Variants in EPHB2 observed in about 807,000 individuals in gnomAD.
EPHB2 encodes ephrin type-B receptor 2.
Under a neutral mutation model 96.4 loss-of-function variants are expected in EPHB2, and 18 were observed. The observed-to-expected ratio is 0.19, with a 90% CI of 0.13 to 0.28. The LOEUF (loss-of-function observed/expected upper bound fraction) is 0.28, where lower values mean the gene tolerates loss of function less well. Among genes scored for constraint, EPHB2 ranks in the 10% least tolerant of loss-of-function variants. The pLI is 1.00. For missense variants in EPHB2, 989 were observed against 1,355.4 expected (o/e 0.73, Z 4.25); for synonymous variants, 506 against 534.1 (o/e 0.95, Z 0.72).
chr1:22,767,981 G>T (rs559201882), intron 1 of EPHB2, among the ~76,000 whole-genome samples: 1 of 152,320 alleles, frequency 6.6e-6, no homozygotes, highest in East Asian at 1.9e-4. Context: ...AACTGCCTGA[G>T]ATGCCAGGTG....
intron 3 of EPHB2, among the ~76,000 whole-genome samples, chr1:22,847,777 G>A (rs986301585): frequency 1.6e-4 from 5 of 31,026 alleles, no homozygotes; most frequent in African/African-American, 2.4e-4. Context: ...GTCTCACCTC[G>A]TGTCTGAACC....
At chr1:22,821,671 C>T (rs116967234) in intron 3 of EPHB2, among the ~76,000 whole-genome samples, 1 of 152,336 alleles carries the variant, frequency 6.6e-6, no homozygotes, top group East Asian at 1.9e-4. Flanking sequence ...TCCCATTTTC[C>T]TCTCTCCCTT....
At position 22,882,428 on chromosome 1, in the gene EPHB2, A is replaced by G. The variant is rs764896361; in HGVS notation, c.1373A>G (p.Gln458Arg). 3.7e-6 allele frequency: 6 copies of G among 1,614,094 alleles called. No individual in the cohort carries two copies. The African/African-American group carries it at 6.7e-5, about 18-fold the overall frequency. Reference sequence around the variant, plus strand: ...GACAGCATTACCCTGTCGTGGTCCCAGCCGGACCAGCCCAATGGCGTGATC... The same window carrying G: ...GACAGCATTACCCTGTCGTGGTCCCGGCCGGACCAGCCCAATGGCGTGATC... The part of the protein sequence containing the change: ...TVDSITLSWS[Q>R]PDQPNGVILD... The change falls in exon 6 of 16, where the codon CAG becomes CGG. Residue 458 changes from glutamine (Q) to arginine (R), a missense_variant. Gln to Arg is a conservative substitution (Grantham distance 43, BLOSUM62 1). Transcript: ENST00000374630.
intron 1 of EPHB2, among the ~76,000 whole-genome samples, chr1:22,728,972 C>T (rs531326394): frequency 6.6e-6 from 1 of 152,212 alleles, no homozygotes; most frequent in Non-Finnish European, 1.5e-5. Context: ...CTGCACGCGG[C>T]GGGCCAGGCT....
At chr1:22,901,205 A>G (rs563659345) in intron 9 of EPHB2, among the ~76,000 whole-genome samples, 5 of 152,184 alleles carry the variant, frequency 3.3e-5, no homozygotes, top group African/African-American at 1.2e-4. Context: ...ATTATTCAGC[A>G]CTTTCCTTTT....
intron 1 of EPHB2, among the ~76,000 whole-genome samples, chr1:22,745,426 C>T (rs983933906): frequency 2.0e-5 from 3 of 152,120 alleles, no homozygotes; most frequent in Non-Finnish European, 2.9e-5. Context: ...GTCAGGATCG[C>T]GATTGCCTAT....
chr1:22,881,627 T>C (rs1352479870), intron 5 of EPHB2, among the ~76,000 whole-genome samples: 1 of 152,110 alleles, frequency 6.6e-6, no homozygotes, highest in African/African-American at 2.4e-5. Flanking sequence ...AGAGTTTCAC[T>C]CTTGTTGCCC....
intron 9 of EPHB2, among the ~76,000 whole-genome samples, chr1:22,901,933 C>T (rs1338573887): frequency 6.6e-6 from 1 of 152,074 alleles, no homozygotes; most frequent in Non-Finnish European, 1.5e-5. Context: ...TCAAGCAATC[C>T]TCCTGCCTCA....
At chr1:22,852,896 G>A (rs1265585862) in intron 3 of EPHB2, among the ~76,000 whole-genome samples, 1 of 152,220 alleles carries the variant, frequency 6.6e-6, no homozygotes, top group African/African-American at 2.4e-5. Context: ...AGGAGGAGGG[G>A]AGATGGGAGG....
chr1:22,733,123 A>G lies in EPHB2; in HGVS notation c.61+22080A>G, dbSNP rs917211622. Among the ~76,000 whole-genome samples, 1 of 151,832 alleles carries G rather than the reference A, an allele frequency of 6.6e-6. No individual in the cohort carries two copies. The highest frequency in any genetic ancestry group is 1.9e-4 in the East Asian group (1 of 5,168). On this transcript the variant is annotated intron_variant, in intron 1 of 15. Transcript: ENST00000374630. The surrounding 1 kb of genome is among the most constrained non-coding windows in gnomAD (Gnocchi z 4.6). The stretch of plus-strand genomic sequence containing the variant: ...GAATGCAATGGCGTAGTCTTGGCTC[A>G]CTGCAACCTCTGCCTCCCCAGTTCA...
intron 3 of EPHB2, among the ~76,000 whole-genome samples, chr1:22,838,419 T>C (rs969114649): frequency 6.6e-6 from 1 of 152,288 alleles, no homozygotes; most frequent in African/African-American, 2.4e-5. Context: ...AGGCATTAAC[T>C]GTGTGGCCCT....
Position 22,822,336 on chromosome 1 carries a change from A to T in EPHB2, c.811+37260A>T, listed in dbSNP as rs553332981. 1.8e-4 allele frequency among the ~76,000 whole-genome samples: 27 copies of T among 152,318 alleles called. No homozygotes were observed. The East Asian group carries it at 5.0e-3, about 28-fold the overall frequency. On this transcript the variant is annotated intron_variant, in intron 3 of 15. Transcript: ENST00000374630. ...CATCTCTATTTTTTAATTTAAAAAA[A>T]AAAGGAAAGTGATGGAAAAGACCTA... is the stretch of plus-strand genomic sequence containing the variant.
At chr1:22,734,996 C>A (rs1557643062) in intron 1 of EPHB2, among the ~76,000 whole-genome samples, 2 of 152,166 alleles carry the variant, frequency 1.3e-5, no homozygotes, top group Non-Finnish European at 2.9e-5. Context: ...AACACCCCTG[C>A]AGGGTAGGAG....
At chr1:22,765,545 G>A (rs1451575487) in intron 1 of EPHB2, among the ~76,000 whole-genome samples, 3 of 5,406 alleles carry the variant, frequency 5.5e-4, no homozygotes, top group Non-Finnish European at 8.4e-4. Context: ...AGACCCTGTC[G>A]CAAAAAAAAA....
chr1:22,770,775 T>A (rs1325080511), intron 1 of EPHB2, among the ~76,000 whole-genome samples: 1 of 152,118 alleles, frequency 6.6e-6, no homozygotes, highest in Admixed American at 6.5e-5. Context: ...GGGAGGTTGG[T>A]TCAGTAGGAA....
At chr1:22,825,516 C>A (rs1277542385) in intron 3 of EPHB2, among the ~76,000 whole-genome samples, 1 of 152,190 alleles carries the variant, frequency 6.6e-6, no homozygotes. Context: ...ACCTTCAAGT[C>A]TCTCACCCTC....
At chr1:22,882,869 C>A (rs927387099) in intron 6 of EPHB2, 1 of 320,396 alleles carries the variant, frequency 3.1e-6, no homozygotes, top group Non-Finnish European at 6.1e-6. Context: ...TCTTCTTCGA[C>A]AGAGATTTGA....
chr1:22,837,582 G>A (rs573379234), intron 3 of EPHB2, among the ~76,000 whole-genome samples: 5 of 152,324 alleles, frequency 3.3e-5, no homozygotes, highest in Non-Finnish European at 7.3e-5. Flanking sequence ...TAAACTAGGC[G>A]TGTATGAAGC....
Position 22,808,165 on chromosome 1 carries a change from C to A in EPHB2, c.811+23089C>A, listed in dbSNP as rs372395508. Among the ~76,000 whole-genome samples, 17 of 152,068 alleles carry A rather than the reference C, an allele frequency of 1.1e-4. No individual in the cohort carries two copies. In the South Asian group the frequency reaches 1.7e-3, roughly 15 times the overall value. ...AAGAAAAAGAAAAAGAAAAGAAAAGCAAATTCCAGGAAAGGTGAGCAGTTC... is the reference window on the plus strand; with the variant it reads ...AAGAAAAAGAAAAAGAAAAGAAAAGAAAATTCCAGGAAAGGTGAGCAGTTC... On this transcript the variant is annotated intron_variant, in intron 3 of 15. Coordinates refer to ENST00000374630, the MANE Select transcript of EPHB2 (RefSeq NM_017449.5).
Sources: allele counts gnomAD v4.1 joint callset (sites outside exome capture counted in the v4.1 genomes callset), GRCh38; gene constraint gnomAD v4.1.1; non-coding constraint Gnocchi (gnomAD v3.1); transcripts MANE v1.5; gene names NCBI Gene and HGNC (gene_info 2026-07-23, HGNC 2026-07-21).